PAG1: variants seen among roughly 807,000 people sequenced by gnomAD.
PAG1 encodes the protein phosphoprotein membrane anchor with glycosphingolipid microdomains 1, also known as phosphoprotein associated with glycosphingolipid-enriched microdomains 1.
A neutral mutation model predicts 31.7 loss-of-function variants in PAG1; 23 were observed. That is an observed-to-expected ratio of 0.73 (90% CI 0.52 to 1.03). The LOEUF (loss-of-function observed/expected upper bound fraction) is 1.03. Among genes scored for constraint, PAG1 ranks in the 50% least tolerant of loss-of-function variants. The probability of loss-of-function intolerance (pLI) is 0.00; values close to 1 mark genes in which losing one functional copy is unlikely to be tolerated. For synonymous variants in PAG1, 214 were observed against 210.3 expected (o/e 1.02, Z -0.15); for missense variants, 473 against 540.7 (o/e 0.87, Z 1.24).
At chr8:81,105,460 T>C (rs755335299) in intron 1 of PAG1, among the ~76,000 whole-genome samples, 13 of 152,176 alleles carry the variant, frequency 8.5e-5, no homozygotes, top group Non-Finnish European at 1.0e-4. Flanking sequence ...CAGCCCTCCT[T>C]AGAAGGTGCC....
At chr8:81,081,789 C>T (rs1199100717) in intron 1 of PAG1, among the ~76,000 whole-genome samples, 2 of 152,130 alleles carry the variant, frequency 1.3e-5, no homozygotes, top group Admixed American at 6.5e-5. Context: ...TAGTATTCCA[C>T]GATATGGATG....
intron 5 of PAG1, among the ~76,000 whole-genome samples, chr8:80,989,929 C>A (rs1454960169): frequency 6.6e-6 from 1 of 151,998 alleles, no homozygotes; most frequent in Non-Finnish European, 1.5e-5. Flanking sequence ...AGCCCTTCCC[C>A]AGCCCCACCT....
intron 1 of PAG1, among the ~76,000 whole-genome samples, chr8:81,103,281 A>G (rs939573493): frequency 5.9e-5 from 9 of 152,204 alleles, no homozygotes; most frequent in Non-Finnish European, 1.3e-4. Flanking sequence ...TGCTTTGAGC[A>G]GACTAATAAA....
intron 2 of PAG1, among the ~76,000 whole-genome samples, chr8:81,044,070 C>T (rs558707352): frequency 1.3e-5 from 2 of 152,286 alleles, no homozygotes; most frequent in South Asian, 4.1e-4. Context: ...TACTCTTGCC[C>T]CTTTTGCATT....
chr8:80,977,197 C>G (rs939770286), intron 8 of PAG1, among the ~76,000 whole-genome samples: 13 of 152,128 alleles, frequency 8.5e-5, no homozygotes, highest in Non-Finnish European at 1.9e-4. Context: ...TCCTGAAGGC[C>G]CCGGGGACCT....
In PAG1 at chr8:80,987,135, T is replaced by C. The variant is rs1464141161; in HGVS notation, c.274+235A>G. ...TAGTACATGTAAATGTACTAAAATG[T>C]ACTAAAAGAGCAAATGAATTAGTAC... On this transcript the variant is annotated intron_variant, in intron 6 of 8. Coordinates refer to ENST00000220597, the MANE Select transcript of PAG1 (RefSeq NM_018440.4). Among the ~76,000 whole-genome samples, 7 of 152,190 alleles carry C rather than the reference T, an allele frequency of 4.6e-5. No homozygotes were observed. In the East Asian group the frequency reaches 1.3e-3, roughly 29 times the overall value.
rs1009652576 is a variant in PAG1, at chr8:81,030,571, C to A, written c.-174-482G>T. ...TTCTTATTAGAAGGAGACTTTGGTGCAGCGTGAACAGTGTCACCTGGACGA... is the reference window on the plus strand; with the variant it reads ...TTCTTATTAGAAGGAGACTTTGGTGAAGCGTGAACAGTGTCACCTGGACGA... On this transcript the variant is annotated intron_variant, in intron 2 of 8. Coordinates refer to ENST00000220597, the MANE Select transcript of PAG1 (RefSeq NM_018440.4). Among the ~76,000 whole-genome samples, 18 of 152,358 alleles carry A rather than the reference C, an allele frequency of 1.2e-4. No individual in the cohort carries two copies. The East Asian group carries it at 3.5e-3, about 29-fold the overall frequency.
chr8:81,098,476 T>C (rs1809562133), intron 1 of PAG1, among the ~76,000 whole-genome samples: 1 of 152,206 alleles, frequency 6.6e-6, no homozygotes, highest in Admixed American at 6.5e-5. Context: ...ACTCTTTCTA[T>C]AGCAGTCTAG....
In PAG1 at chr8:80,984,663, A is replaced by G. The variant is rs554190212; in HGVS notation, c.876+113T>C. On this transcript the variant is annotated intron_variant, in intron 7 of 8. Transcript: ENST00000220597. ...AGCTTACATGAAAACAGCTCTCATC[A>G]TTCAACAAACTGGAAAGTGTTTGCA... 1.4e-4 allele frequency: 142 copies of G among 1,008,128 alleles called. 1 individual carries two copies. The South Asian group carries it at 2.2e-3, about 16-fold the overall frequency. 62.4% of individuals were successfully genotyped at this position (1,008,128 alleles called of 1,614,324 possible). A position where few individuals can be genotyped will look rare whatever the true frequency, so the allele number is the denominator to read the frequency against.
At chr8:81,027,524 C>A (rs13276765) in intron 3 of PAG1, among the ~76,000 whole-genome samples, 13 of 152,004 alleles carry the variant, frequency 8.6e-5, no homozygotes, top group African/African-American at 3.1e-4. Flanking sequence ...CTACTGTATA[C>A]TGACACTACT....
intron 2 of PAG1, among the ~76,000 whole-genome samples, chr8:81,032,445 A>G (rs1352599358): frequency 6.6e-6 from 1 of 152,218 alleles, no homozygotes; most frequent in Non-Finnish European, 1.5e-5. Context: ...ATCAATAAAC[A>G]CATGAAAAGA....
At chr8:81,033,671 T>C (rs1317579434) in intron 2 of PAG1, among the ~76,000 whole-genome samples, 1 of 152,218 alleles carries the variant, frequency 6.6e-6, no homozygotes, top group Non-Finnish European at 1.5e-5. Context: ...TTAATACTAA[T>C]GATGACATTC....
At chr8:81,053,651 T>G (rs1299024745) in intron 2 of PAG1, among the ~76,000 whole-genome samples, 1 of 152,146 alleles carries the variant, frequency 6.6e-6, no homozygotes, top group Non-Finnish European at 1.5e-5. Context: ...ACATCAGGCA[T>G]GAGCAATAAA....
In PAG1 at chr8:81,050,903, A is replaced by G. The variant is rs371162266; in HGVS notation, c.-175+19209T>C. Among the ~76,000 whole-genome samples, 9 of 152,342 alleles carry G rather than the reference A, an allele frequency of 5.9e-5. 2 individuals are homozygous for G. The highest frequency in any genetic ancestry group is 3.3e-4 in the Admixed American group (5 of 15,306). On this transcript the variant is annotated intron_variant, in intron 2 of 8. Transcript: ENST00000220597. The stretch of plus-strand genomic sequence containing the variant: ...CTGCCTTCAGCCTCCCAGAATCATC[A>G]GTCTTACAGAATTGAACAAGTAGAG...
chr8:81,090,163 ACT>A (rs1809422895), intron 1 of PAG1, among the ~76,000 whole-genome samples: 2 of 151,860 alleles, frequency 1.3e-5, no homozygotes, highest in Admixed American at 6.6e-5. Context: ...CAATTTTTCT[ACT>A]CTCTCTCCCA....
chr8:81,061,960 G>C (rs555650541), intron 2 of PAG1, among the ~76,000 whole-genome samples: 3 of 152,290 alleles, frequency 2.0e-5, no homozygotes, highest in African/African-American at 7.2e-5. Flanking sequence ...GAGCAGTTTA[G>C]TCTCGTAATT....
At chr8:81,079,313 T>C (rs1278430747) in intron 1 of PAG1, among the ~76,000 whole-genome samples, 1 of 152,112 alleles carries the variant, frequency 6.6e-6, no homozygotes, top group Non-Finnish European at 1.5e-5. Context: ...CCTCCAGTCA[T>C]CTACTCCTCG....
chr8:81,010,687 T>C lies in PAG1; in HGVS notation c.-80-17380A>G, dbSNP rs532601423. Among the ~76,000 whole-genome samples, 6 of 152,342 alleles carry C rather than the reference T, an allele frequency of 3.9e-5. No homozygotes were observed. In the East Asian group the frequency reaches 1.2e-3, roughly 29 times the overall value. On this transcript the variant is annotated intron_variant, in intron 3 of 8. Transcript: ENST00000220597. ...TCTTTATGATTTAGGCTATTTTAGC[T>C]TTTCTATTGACCTTCATTGTTTAAA...
At chr8:81,033,541 G>A (rs1808414202) in intron 2 of PAG1, among the ~76,000 whole-genome samples, 1 of 152,270 alleles carries the variant, frequency 6.6e-6, no homozygotes, top group South Asian at 2.1e-4. Flanking sequence ...TGATACTGAC[G>A]ATTTAGTCAA....
Sources: gnomAD v4.1 joint callset for allele counts (sites outside exome capture counted in the v4.1 genomes callset) on GRCh38, gnomAD v4.1.1 for gene constraint, MANE v1.5 for transcripts, NCBI Gene and HGNC (gene_info 2026-07-23, HGNC 2026-07-21) for gene names.